Variants in CHST15 observed in about 807,000 individuals in gnomAD.
CHST15 encodes B cell RAG associated protein (GALNAC4S-6ST).
CHST15 carries 30 observed loss-of-function variants against 53.6 expected under a neutral mutation model. The ratio of observed to expected loss-of-function variants is 0.56; its 90% CI spans 0.42 to 0.76. The LOEUF is 0.76. CHST15 is among the 30% of genes least tolerant of loss of function. CHST15 has a pLI of 0.00. For missense variants in CHST15, 627 were observed against 740.5 expected, an observed-to-expected ratio of 0.85 and a Z score of 1.78; for synonymous variants, 296 against 289.8, an observed-to-expected ratio of 1.02 and a Z score of -0.22.
intron 1 of CHST15, among the ~76,000 whole-genome samples, chr10:124,071,892 C>T (rs1333423727): frequency 2.0e-5 from 3 of 152,210 alleles, no homozygotes; most frequent in Admixed American, 2.0e-4. Flanking sequence ...ACATTTCAAG[C>T]ATGACCCTGT....
chr10:124,027,450 C>T (rs1185298696), intron 5 of CHST15, among the ~76,000 whole-genome samples: 1 of 152,066 alleles, frequency 6.6e-6, no homozygotes, highest in East Asian at 1.9e-4. Flanking sequence ...CAGCCAAGAC[C>T]ACTGCTGGAT....
At chr10:124,026,667 G>C (rs1947024661) in intron 5 of CHST15, among the ~76,000 whole-genome samples, 1 of 152,166 alleles carries the variant, frequency 6.6e-6, no homozygotes, top group Admixed American at 6.5e-5. Flanking sequence ...ATTAACAGGG[G>C]CACGGCATGA....
chr10:124,045,688 G>A lies in CHST15; in HGVS notation c.525C>T (p.Asp175=), dbSNP rs777481863. 6.2e-7 allele frequency: 1 copy of A among 1,603,634 alleles called. No individual in the cohort carries two copies. The highest frequency in any genetic ancestry group is 1.1e-5 in the South Asian group (1 of 89,444). The part of the protein sequence containing the change: ...FTTRQLPDLE[D]LKKQELHMFS... ...TCACATGCAACTCCTGCTTCTTAAG[G>A]TCTTCTAAGTCTGGGAGCTGTCTGG... The change falls in exon 2 of 8, where the codon GAC becomes GAT. Residue 175 remains aspartate, a synonymous_variant. Transcript: ENST00000435907.
chr10:124,056,156 C>T (rs1328213432), intron 1 of CHST15, among the ~76,000 whole-genome samples: 1 of 152,226 alleles, frequency 6.6e-6, no homozygotes, highest in Non-Finnish European at 1.5e-5. Context: ...CCCATCCTAA[C>T]CTCTACCCCA....
rs1307621451 is a variant in CHST15 at position 124,008,329 on chromosome 10, AC to A, written c.*1819del. Reference sequence around the variant, plus strand: ...CAGAACCCACTCAGAAGACGCACTCACCCACACGTGCGCGTACACACACACA... The same window carrying A: ...CAGAACCCACTCAGAAGACGCACTCACCACACGTGCGCGTACACACACACA... On this transcript the variant is annotated 3_prime_UTR_variant, in exon 8 of 8. Transcript: ENST00000435907. The A allele has an allele frequency of 2.7e-6, 3 of 1,092,546 alleles. No individual in the cohort carries two copies. In the African/African-American group the frequency reaches 4.9e-5, roughly 18 times the overall value. 67.7% of individuals were successfully genotyped at this position (1,092,546 alleles called of 1,614,324 possible). A position where few individuals can be genotyped will look rare whatever the true frequency, so the allele number is the denominator to read the frequency against.
At chr10:124,085,617 T>A (rs976275254) in intron 1 of CHST15, among the ~76,000 whole-genome samples, 1 of 152,222 alleles carries the variant, frequency 6.6e-6, no homozygotes, top group Non-Finnish European at 1.5e-5. Context: ...GCTACATGGA[T>A]GTACCGTGAG....
At chr10:124,035,630 C>T (rs1218225986) in intron 5 of CHST15, among the ~76,000 whole-genome samples, 1 of 152,148 alleles carries the variant, frequency 6.6e-6, no homozygotes, top group African/African-American at 2.4e-5. Context: ...CGGACCCTGG[C>T]TCCAACCCCT....
chr10:124,052,013 A>G (rs1417474782), intron 1 of CHST15, among the ~76,000 whole-genome samples: 1 of 152,230 alleles, frequency 6.6e-6, no homozygotes, highest in African/African-American at 2.4e-5. Context: ...TAGAACATTT[A>G]CATTTGCCCT....
chr10:124,057,359 T>C (rs1460827260), intron 1 of CHST15, among the ~76,000 whole-genome samples: 2 of 152,212 alleles, frequency 1.3e-5, no homozygotes, highest in African/African-American at 4.8e-5. Context: ...AGATAATTAA[T>C]CCAAAAGAGA....
At chr10:124,021,746 G>T (rs1366628734) in intron 5 of CHST15, among the ~76,000 whole-genome samples, 1 of 152,102 alleles carries the variant, frequency 6.6e-6, no homozygotes. Flanking sequence ...TTACAAAAAT[G>T]GTACACTAGC....
Position 124,021,238 on chromosome 10 carries a change from G to T in CHST15, c.1347+18C>A, listed in dbSNP as rs775096940. The stretch of plus-strand genomic sequence containing the variant: ...GCCAGGGGCCAGCTCGGGGGGTACG[G>T]GGGGGGGGGGTACACACAGGCATGG... On this transcript the variant is annotated intron_variant, in intron 6 of 7. Transcript: ENST00000435907. The T allele has an allele frequency of 6.5e-6, 5 of 770,898 alleles. No homozygotes were observed. Among genetic ancestry groups the T allele is most frequent in the Non-Finnish European group, 6.8e-6 (4 of 588,102 alleles). 47.8% of individuals were successfully genotyped at this position (770,898 alleles called of 1,614,324 possible).
intron 4 of CHST15, among the ~76,000 whole-genome samples, chr10:124,039,691 G>T (rs980482694): frequency 2.0e-5 from 3 of 152,226 alleles, no homozygotes; most frequent in Admixed American, 6.5e-5. Flanking sequence ...ACACAGGCAG[G>T]CATTCCAACA....
intron 1 of CHST15, among the ~76,000 whole-genome samples, chr10:124,051,685 G>A (rs1948202939): frequency 6.6e-6 from 1 of 152,202 alleles, no homozygotes; most frequent in Non-Finnish European, 1.5e-5. Context: ...CCTGGCACCA[G>A]GAGAGAAATC....
intron 1 of CHST15, among the ~76,000 whole-genome samples, chr10:124,053,248 G>A (rs888612418): frequency 3.9e-5 from 6 of 152,158 alleles, no homozygotes; most frequent in East Asian, 1.9e-4. Context: ...TCCACCCTTC[G>A]GTTTGAGTTG....
At chr10:124,030,363 C>T (rs1947179434) in intron 5 of CHST15, among the ~76,000 whole-genome samples, 6 of 152,220 alleles carry the variant, frequency 3.9e-5, no homozygotes, top group Admixed American at 3.9e-4. Context: ...AAGCAAAATG[C>T]CTGAACCCAC....
chr10:124,043,491 T>C (rs950950414), intron 3 of CHST15, among the ~76,000 whole-genome samples: 6 of 152,228 alleles, frequency 3.9e-5, no homozygotes, highest in African/African-American at 9.7e-5. Flanking sequence ...AGGGAAAACT[T>C]TGAAGATTCC....
intron 1 of CHST15, among the ~76,000 whole-genome samples, chr10:124,055,641 CCT>C (rs1246928699): frequency 1.3e-5 from 2 of 152,168 alleles, no homozygotes; most frequent in Admixed American, 6.5e-5. Context: ...TTCGGGCACC[CCT>C]GTCACCAGGG....
At chr10:124,012,613 T>A in intron 6 of CHST15, 133 bp from the exon 7 acceptor site, 1 of 1,011,880 alleles carries the variant, frequency 9.9e-7, no homozygotes, top group East Asian at 2.6e-5. Flanking sequence ...AGAAGCTGGA[T>A]TTTAACACAA....
At chr10:124,075,434 C>A (rs1304154801) in intron 1 of CHST15, among the ~76,000 whole-genome samples, 1 of 152,190 alleles carries the variant, frequency 6.6e-6, no homozygotes, top group African/African-American at 2.4e-5. Context: ...CGACTTGTGA[C>A]AATGAGAGGA....
Sources: allele counts gnomAD v4.1 joint callset (sites outside exome capture counted in the v4.1 genomes callset), GRCh38; gene constraint gnomAD v4.1.1; transcripts MANE v1.5; gene names NCBI Gene and HGNC (gene_info 2026-07-23, HGNC 2026-07-21).